PCLO: variants seen among roughly 807,000 people sequenced by gnomAD.
PCLO encodes piccolo presynaptic cytomatrix protein.
A neutral mutation model predicts 427.5 loss-of-function variants in PCLO; 82 were observed. The observed-to-expected ratio is 0.19, with a 90% CI of 0.16 to 0.23. The LOEUF (loss-of-function observed/expected upper bound fraction) is 0.23. Ranked by LOEUF, PCLO falls within the 10% of genes least tolerant of loss-of-function variation. PCLO has a pLI of 1.00. For missense variants in PCLO, 6,239 were observed against 6,115.9 expected (o/e 1.02, Z -0.67); for synonymous variants, 2,357 against 2,155.4 (o/e 1.09, Z -2.59).
At chr7:82,791,507 A>C (rs1338602373) in intron 22 of PCLO, among the ~76,000 whole-genome samples, 2 of 152,208 alleles carry the variant, frequency 1.3e-5, no homozygotes, top group Non-Finnish European at 2.9e-5. Context: ...TCCTTTTTCA[A>C]AGTAAAAGAT....
chr7:82,923,786 GATTC>G lies in PCLO; in HGVS notation c.11113-6917_11113-6914del, dbSNP rs144755246. ...GAAAGTAGTAATAAAATTTGTCAGG[GATTC>G]ATGTACCAACCATGGCTATTTATGG... On this transcript the variant is annotated intron_variant, in intron 6 of 24. Coordinates refer to ENST00000333891, the MANE Select transcript of PCLO (RefSeq NM_033026.6). Among the ~76,000 whole-genome samples, 836 of 152,144 alleles carry G rather than the reference GATTC, an allele frequency of 5.5e-3. 11 individuals are homozygous for G. Among genetic ancestry groups the G allele is most frequent in the African/African-American group, 0.019 (790 of 41,524 alleles).
chr7:82,950,313 G>C lies in PCLO; in HGVS notation c.10275C>G (p.Asp3425Glu), dbSNP rs1250351807. 6.2e-7 allele frequency: 1 copy of C among 1,613,408 alleles called. No individual in the cohort carries two copies. The part of the protein sequence containing the change: ...SGAKVRGQYD[D>E]MGENMTDDPR... ...GATCATCTGTCATATTTTCTCCCAT[G>C]TCATCATACTGTCCTCGGACTTTAG... The change falls in exon 6 of 25, where the codon GAC becomes GAG. Residue 3425 changes from aspartate to glutamate, a missense_variant. By Grantham distance (45) the Asp-to-Glu change is conservative (BLOSUM62 2). This residue lies in a region of PCLO where 4,677 missense variants were observed against 4,468.4 expected (regional missense o/e 1.05). Coordinates refer to ENST00000333891, the MANE Select transcript of PCLO (RefSeq NM_033026.6).
chr7:83,101,484 G>A (rs7783798), intron 3 of PCLO, among the ~76,000 whole-genome samples: 69,749 of 151,796 alleles, frequency 0.46, 16,430 homozygotes, highest in East Asian at 0.71. Flanking sequence ...TCAAATGCCA[G>A]AAAGAATAAA....
chr7:82,804,936 T>C (rs993821944), intron 21 of PCLO, among the ~76,000 whole-genome samples: 5 of 152,096 alleles, frequency 3.3e-5, no homozygotes, highest in African/African-American at 9.7e-5. Flanking sequence ...GAAGACTAGT[T>C]AATGGGCAGG....
At chr7:82,839,175 A>C (rs910414424) in intron 14 of PCLO, among the ~76,000 whole-genome samples, 2 of 152,110 alleles carry the variant, frequency 1.3e-5, no homozygotes, top group African/African-American at 4.8e-5. Flanking sequence ...TAAATAATAG[A>C]GTGGAAGGGA....
chr7:82,815,897 TA>T lies in PCLO; in HGVS notation c.14791+6597del, dbSNP rs1303442626. On this transcript the variant is annotated intron_variant, in intron 20 of 24. Coordinates refer to ENST00000333891, the MANE Select transcript of PCLO (RefSeq NM_033026.6). ...TTTCAGTATCTAAAACACATTAAAA[TA>T]TAAAATGATGGTTAGATCTACGTCA... Among the ~76,000 whole-genome samples, 6 of 152,138 alleles carry T rather than the reference TA, an allele frequency of 3.9e-5. No homozygotes were observed. In the East Asian group the frequency reaches 1.2e-3, roughly 29 times the overall value.
At chr7:83,068,299 T>C (rs999590505) in intron 3 of PCLO, among the ~76,000 whole-genome samples, 3 of 152,140 alleles carry the variant, frequency 2.0e-5, no homozygotes, top group Non-Finnish European at 4.4e-5. Context: ...GAAAAGCACT[T>C]ATTTTTAATA....
At chr7:83,142,368 T>C (rs866959564) in intron 2 of PCLO, among the ~76,000 whole-genome samples, 6 of 152,300 alleles carry the variant, frequency 3.9e-5, no homozygotes, top group South Asian at 2.1e-4. Context: ...CCGTAACATC[T>C]AAATGGACTA....
chr7:82,915,374 T>C lies in PCLO; in HGVS notation c.12612A>G (p.Ser4204=). The C allele has an allele frequency of 6.2e-7, 1 of 1,613,490 alleles. No homozygotes were observed. Residue 4204 remains serine (S), a synonymous_variant, in exon 7 of 25, where the codon TCA becomes TCG. Coordinates refer to ENST00000333891, the MANE Select transcript of PCLO (RefSeq NM_033026.6). ...CAAGGTCTCTACTTTCTTGAATAGG[T>C]GAAAATTTTGACATTTTAGGGTCAA... The part of the protein sequence containing the change: ...SLIDPKMSKF[S]PIQESRDLEP...
chr7:82,776,877 CAT>C (rs896234318), intron 22 of PCLO, among the ~76,000 whole-genome samples: 8 of 150,358 alleles, frequency 5.3e-5, no homozygotes, highest in African/African-American at 4.9e-5. Flanking sequence ...TATAGATATA[CAT>C]ATATGTGTGT....
At chr7:83,040,596 T>C (rs1301359207) in intron 3 of PCLO, among the ~76,000 whole-genome samples, 1 of 152,176 alleles carries the variant, frequency 6.6e-6, no homozygotes, top group Non-Finnish European at 1.5e-5. Context: ...GTTAATTATT[T>C]TCCGGCAGAC....
chr7:82,986,519 C>A (rs1796260725), intron 3 of PCLO, among the ~76,000 whole-genome samples: 1 of 151,816 alleles, frequency 6.6e-6, no homozygotes, highest in Non-Finnish European at 1.5e-5. Flanking sequence ...TTAAATTATT[C>A]ATTTAAAATA....
At position 82,914,971 on chromosome 7, in the gene PCLO, G is replaced by T. The variant is rs552761097; in HGVS notation, c.13015C>A (p.Pro4339Thr). Residue 4339 changes from proline (P) to threonine (T), a missense_variant, in exon 7 of 25, where the codon CCG (proline) becomes ACG (threonine). Transcript: ENST00000333891. ...SHASSSARTK[P>T]TSLPISQSRG... ...CTTTGACTAATTGGCAAACTGGTCG[G>T]CTTAGTTCTGGCAGAGGATGATGCA... 6.2e-7 allele frequency: 1 copy of T among 1,613,700 alleles called. No homozygotes were observed. Among genetic ancestry groups the T allele is most frequent in the East Asian group, 2.2e-5 (1 of 44,826 alleles).
rs1282562000 is a variant in PCLO, at chr7:83,096,925, T to TATAATATAATATATTATATATTATATAA, written c.3300+37297_3300+37324dup. On this transcript the variant is annotated intron_variant, in intron 3 of 24. Transcript: ENST00000333891. ...TATTATATTATCTAAATATATATAA[T>TATAATATAATATATTATATATTATATAA]ATAATATAATATATTATATATTATA... Among the ~76,000 whole-genome samples the TATAATATAATATATTATATATTATATAA allele has an allele frequency of 6.8e-5, 4 of 58,674 alleles. 1 individual carries two copies. The highest frequency in any genetic ancestry group is 8.5e-5 in the Non-Finnish European group (3 of 35,424). The allele number at this position is 58,674 out of a possible 152,430, so 38.5% of individuals were successfully genotyped here.
intron 3 of PCLO, among the ~76,000 whole-genome samples, chr7:83,125,171 GC>G (rs1791401433): frequency 6.6e-6 from 1 of 151,912 alleles, no homozygotes; most frequent in African/African-American, 2.4e-5. Context: ...CTGCCCGGCC[GC>G]CACCCCGTCT....
At chr7:83,150,387 C>T (rs1175627511) in intron 2 of PCLO, among the ~76,000 whole-genome samples, 1 of 152,196 alleles carries the variant, frequency 6.6e-6, no homozygotes, top group Non-Finnish European at 1.5e-5. Flanking sequence ...AGGCTTGCAG[C>T]CAGTGGATTC....
intron 9 of PCLO, among the ~76,000 whole-genome samples, chr7:82,890,741 G>T (rs565666416): frequency 3.0e-4 from 45 of 151,866 alleles, no homozygotes; most frequent in African/African-American, 1.1e-3. Context: ...TTCATCTAGA[G>T]TCTGAATATA....
chr7:83,105,583 G>T lies in PCLO; in HGVS notation c.3300+28667C>A, dbSNP rs78439260. On this transcript the variant is annotated intron_variant, in intron 3 of 24. Coordinates refer to ENST00000333891, the MANE Select transcript of PCLO (RefSeq NM_033026.6). ...GCAGAGTGCCAATGAACCCTGGAAA[G>T]TTACAGTGAACTTGGAGGGACACTA... 7.5e-4 allele frequency among the ~76,000 whole-genome samples: 114 copies of T among 152,318 alleles called. 3 individuals carry two copies. In the East Asian group the frequency reaches 0.02, roughly 27 times the overall value.
chr7:82,970,712 T>C (rs765002203), intron 3 of PCLO, among the ~76,000 whole-genome samples: 13 of 151,924 alleles, frequency 8.6e-5, no homozygotes, highest in Non-Finnish European at 1.3e-4. Context: ...TCTTTAGATA[T>C]ATAAATTCAA....
Sources: gnomAD v4.1 joint callset for allele counts (sites outside exome capture counted in the v4.1 genomes callset) on GRCh38, gnomAD v4.1.1 for gene constraint, gnomAD v4.1.1 regional missense constraint, MANE v1.5 for transcripts, NCBI Gene and HGNC (gene_info 2026-07-23, HGNC 2026-07-21) for gene names.